Variants in ANKRD17 observed in about 807,000 individuals in gnomAD.
ANKRD17 encodes the protein ankyrin repeat domain-containing protein 17.
A neutral mutation model predicts 229.7 loss-of-function variants in ANKRD17; 19 were observed. The observed-to-expected ratio is 0.08, with a 90% CI of 0.06 to 0.12. The LOEUF (loss-of-function observed/expected upper bound fraction) is 0.12, where lower values mean the gene tolerates loss of function less well. ANKRD17 is among the 10% of genes least tolerant of loss of function. The pLI, the probability that ANKRD17 is intolerant of heterozygous loss-of-function variation, is 1.00. For missense variants in ANKRD17, 2,176 were observed against 3,176.8 expected, an observed-to-expected ratio of 0.68 and a Z score of 7.57; for synonymous variants, 1,112 against 1,146.1, an observed-to-expected ratio of 0.97 and a Z score of 0.60.
intron 1 of ANKRD17, among the ~76,000 whole-genome samples, chr4:73,250,160 C>T (rs976764737): frequency 2.0e-5 from 3 of 152,138 alleles, no homozygotes; most frequent in African/African-American, 7.2e-5. Flanking sequence ...TATTTCAGAT[C>T]ATTTACTCAA....
intron 1 of ANKRD17, among the ~76,000 whole-genome samples, chr4:73,198,882 T>C (rs2149097344): frequency 6.6e-6 from 1 of 152,264 alleles, no homozygotes; most frequent in South Asian, 2.1e-4. Context: ...TGTCAGGAAT[T>C]GTGAAGGTTA....
chr4:73,171,192 A>AGAGAGAGAGAG (rs1218870116), intron 2 of ANKRD17, among the ~76,000 whole-genome samples: 10 of 149,600 alleles, frequency 6.7e-5, no homozygotes, highest in Non-Finnish European at 1.0e-4. Context: ...AGAGAGAGAG[A>AGAGAGAGAGAG]GAGAGAGAGA....
At chr4:73,200,462 G>A (rs886621360) in intron 1 of ANKRD17, among the ~76,000 whole-genome samples, 4 of 152,020 alleles carry the variant, frequency 2.6e-5, no homozygotes, top group African/African-American at 9.7e-5. Flanking sequence ...CTAAGCCTGG[G>A]CCACGTTCTC....
At chr4:73,185,583 T>G (rs1178975895) in intron 1 of ANKRD17, among the ~76,000 whole-genome samples, 9 of 152,094 alleles carry the variant, frequency 5.9e-5, no homozygotes, top group Non-Finnish European at 1.2e-4. Context: ...TTCTAAATTT[T>G]TCTTTTAGTA....
At chr4:73,195,300 T>C (rs1737702647) in intron 1 of ANKRD17, among the ~76,000 whole-genome samples, 1 of 152,192 alleles carries the variant, frequency 6.6e-6, no homozygotes, top group African/African-American at 2.4e-5. Context: ...TCTATGTTCA[T>C]GATATATATT....
At chr4:73,234,760 T>C (rs1743352124) in intron 1 of ANKRD17, among the ~76,000 whole-genome samples, 2 of 152,170 alleles carry the variant, frequency 1.3e-5, no homozygotes, top group Admixed American at 6.5e-5. Context: ...TGACCTACTT[T>C]CTTAAGAGAA....
chr4:73,247,916 T>C (rs912471742), intron 1 of ANKRD17, among the ~76,000 whole-genome samples: 8 of 141,104 alleles, frequency 5.7e-5, no homozygotes, highest in Admixed American at 2.0e-4. Flanking sequence ...AGGTGATTTT[T>C]CTATTCTTTA....
chr4:73,110,247 G>C (rs898592374), intron 24 of ANKRD17, among the ~76,000 whole-genome samples: 6 of 152,148 alleles, frequency 3.9e-5, no homozygotes, highest in Non-Finnish European at 7.3e-5. Context: ...TGACCAGATG[G>C]AACTACTTCA....
intron 2 of ANKRD17, among the ~76,000 whole-genome samples, chr4:73,164,808 A>G (rs1362611682): frequency 1.3e-5 from 2 of 151,548 alleles, no homozygotes; most frequent in East Asian, 3.9e-4. Flanking sequence ...AAAAAAAAAA[A>G]GAACAAAATG....
At position 73,090,960 on chromosome 4, in the gene ANKRD17, G is replaced by C; in HGVS notation, c.6668C>G (p.Thr2223Ser). The change falls in exon 29 of 34, where the codon ACC (threonine) becomes AGC (serine). Residue 2223 changes from threonine (T) to serine (S), a missense_variant. By Grantham distance (58) the Thr-to-Ser change is moderately conservative. Around this residue, in one of 18 missense-constraint regions of ANKRD17, gnomAD observed 424 missense variants for 454.0 expected, o/e 0.93. Transcript: ENST00000358602. ...CTGACAAGCACTTTGTGTACTTAAG[G>C]TCGAAGGTAGCTGGACAGAAGAGGG... ...SVPSSVQLPS[T>S]LSTQSACQNS... is the part of the protein sequence containing the mutation. 1 of 1,614,228 alleles carries C rather than the reference G, an allele frequency of 6.2e-7. No homozygotes were observed. The highest frequency in any genetic ancestry group is 8.5e-7 in the Non-Finnish European group (1 of 1,180,046).
intron 3 of ANKRD17, among the ~76,000 whole-genome samples, chr4:73,160,481 G>T (rs2148911669): frequency 6.6e-6 from 1 of 152,164 alleles, no homozygotes; most frequent in East Asian, 1.9e-4. Context: ...GGCCTCCAAA[G>T]TGCTGAGATT....
chr4:73,158,152 A>AAAGAAAGAAAG (rs1731954360), intron 3 of ANKRD17, among the ~76,000 whole-genome samples: 8 of 128,808 alleles, frequency 6.2e-5, no homozygotes, highest in Admixed American at 5.0e-4. Context: ...GAAAGGAAGA[A>AAAGAAAGAAAG]AAAGAAAGAA....
intron 24 of ANKRD17, among the ~76,000 whole-genome samples, chr4:73,103,163 T>C (rs1299337717): frequency 6.6e-6 from 1 of 151,824 alleles, no homozygotes; most frequent in African/African-American, 2.4e-5. Flanking sequence ...ACCGTAAGTA[T>C]TATAAATATG....
rs548297898 is a variant in ANKRD17 at position 73,076,967 on chromosome 4, G to A, written c.7725C>T (p.Ser2575=). The part of the protein sequence containing the change: ...SWNSLIKMVS[S]STENNGPQTV... ...TTTGAGGGCCATTATTTTCCGTGGAGCTGGAAACCATCTTTATCAGTGAGT... is the reference window on the plus strand; with the variant it reads ...TTTGAGGGCCATTATTTTCCGTGGAACTGGAAACCATCTTTATCAGTGAGT... Residue 2575 remains serine (S), a synonymous_variant, in exon 33 of 34, where the codon AGC becomes AGT. Transcript: ENST00000358602. 2.6e-5 allele frequency: 42 copies of A among 1,612,266 alleles called. No individual in the cohort carries two copies. The South Asian group carries it at 4.4e-4, about 17-fold the overall frequency.
intron 5 of ANKRD17, 114 bp downstream of exon 5, chr4:73,155,517 T>C (rs970727321): frequency 5.4e-6 from 6 of 1,102,992 alleles, no homozygotes; most frequent in Non-Finnish European, 7.9e-6. Flanking sequence ...TGAGAATATG[T>C]AGCACTTCTA....
intron 1 of ANKRD17, among the ~76,000 whole-genome samples, chr4:73,234,085 A>G (rs1055945251): frequency 6.6e-6 from 1 of 152,084 alleles, no homozygotes; most frequent in Admixed American, 6.6e-5. Context: ...CTGAGAACTC[A>G]TACTTATGGA....
intron 2 of ANKRD17, among the ~76,000 whole-genome samples, chr4:73,167,971 C>A (rs557376643): frequency 1.3e-5 from 2 of 151,920 alleles, no homozygotes; most frequent in East Asian, 3.9e-4. Flanking sequence ...GCTAACGCAG[C>A]GAAACCCCGT....
chr4:73,160,157 T>C (rs1208485018), intron 3 of ANKRD17, among the ~76,000 whole-genome samples: 1 of 151,818 alleles, frequency 6.6e-6, no homozygotes, highest in Non-Finnish European at 1.5e-5. Flanking sequence ...TAACATGTAT[T>C]AATGATTCTT....
At chr4:73,218,956 G>C (rs1382017216) in intron 1 of ANKRD17, among the ~76,000 whole-genome samples, 1 of 152,126 alleles carries the variant, frequency 6.6e-6, no homozygotes, top group Non-Finnish European at 1.5e-5. Context: ...AGCTACTCGG[G>C]AGGCTGAGGC....
Sources: gnomAD v4.1 joint callset for allele counts (sites outside exome capture counted in the v4.1 genomes callset) on GRCh38, gnomAD v4.1.1 for gene constraint, gnomAD v4.1.1 regional missense constraint, MANE v1.5 for transcripts, NCBI Gene and HGNC (gene_info 2026-07-23, HGNC 2026-07-21) for gene names.